The following AKAP9 variants were observed in gnomAD, a reference collection of about 807,000 sequenced individuals.
The protein encoded by AKAP9 is A-kinase anchor protein 9.
Under a neutral mutation model 488.5 loss-of-function variants are expected in AKAP9, and 311 were observed. The observed-to-expected ratio is 0.64, with a 90% CI of 0.58 to 0.70. The LOEUF is 0.70. AKAP9 is among the 30% of genes least tolerant of loss of function. The pLI, the probability that AKAP9 is intolerant of heterozygous loss-of-function variation, is 0.00. For missense variants in AKAP9, 4,215 were observed against 4,374.5 expected (o/e 0.96, Z 1.03); for synonymous variants, 1,462 against 1,483.5 (o/e 0.99, Z 0.33).
rs1165990371 is a variant in AKAP9 at position 92,100,969 on chromosome 7, G to A, written c.11010G>A (p.Glu3670=). The change falls in exon 45 of 50, where the codon GAG becomes GAA. Residue 3670 remains glutamate, a synonymous_variant. Transcript: ENST00000356239. Reference sequence around the variant, plus strand: ...TCCAGAAATCTTTGAAAAGGGCAGAGGCTGAAGTATACAAACTGAAAGCTG... The same window carrying A: ...TCCAGAAATCTTTGAAAAGGGCAGAAGCTGAAGTATACAAACTGAAAGCTG... ...LTLQKSLKRA[E]AEVYKLKAEL... is the part of the protein sequence containing the mutation. 1 of 1,614,118 alleles carries A rather than the reference G, an allele frequency of 6.2e-7. No homozygotes were observed. The highest frequency in any genetic ancestry group is 1.7e-5 in the Admixed American group (1 of 60,032).
chr7:92,109,419 C>G (rs982042160), intron 49 of AKAP9, among the ~76,000 whole-genome samples: 1 of 152,082 alleles, frequency 6.6e-6, no homozygotes, highest in African/African-American at 2.4e-5. Flanking sequence ...CTTTTATTAT[C>G]ATAGCTGAGT....
chr7:92,033,160 A>G (rs1294959355), intron 16 of AKAP9, among the ~76,000 whole-genome samples: 2 of 152,190 alleles, frequency 1.3e-5, no homozygotes, highest in Admixed American at 6.5e-5. Flanking sequence ...AGCATTACTC[A>G]CTCAAGCTGA....
chr7:92,048,031 T>TA (rs1807301189), intron 21 of AKAP9, among the ~76,000 whole-genome samples: 1 of 152,160 alleles, frequency 6.6e-6, no homozygotes. Flanking sequence ...TTAAAATTTT[T>TA]AATTTTTATA....
chr7:92,069,659 A>G (rs1044931198), intron 26 of AKAP9, among the ~76,000 whole-genome samples: 2 of 152,182 alleles, frequency 1.3e-5, no homozygotes, highest in African/African-American at 4.8e-5. Context: ...TCAGCATCCT[A>G]ATTTGAAATG....
chr7:92,002,837 A>C lies in AKAP9; in HGVS notation c.2920A>C (p.Ser974Arg). 1 of 1,613,518 alleles carries C rather than the reference A, an allele frequency of 6.2e-7. No individual in the cohort carries two copies. Among genetic ancestry groups the C allele is most frequent in the Non-Finnish European group, 8.5e-7 (1 of 1,179,674 alleles). ...ATTGAAACAGAAACATGGTGAGATT[A>C]GTTTTCTAAATGAAGAAGTTAAATC... ...EQLKQKHGEISFLNEEVKSLK... is the reference protein window; with the variant it reads ...EQLKQKHGEIRFLNEEVKSLK... The change falls in exon 8 of 50, where the codon AGT becomes CGT. Residue 974 changes from serine (S) to arginine (R), a missense_variant. Ser to Arg is a moderately radical substitution (Grantham distance 110, BLOSUM62 -1). Coordinates refer to ENST00000356239, the MANE Select transcript of AKAP9 (RefSeq NM_005751.5).
intron 11 of AKAP9, 116 bp downstream of exon 11, chr7:92,016,383 C>A: frequency 1.4e-6 from 1 of 716,064 alleles, no homozygotes; most frequent in Non-Finnish European, 2.2e-6. Flanking sequence ...TTCATCTTAA[C>A]ATTTTATCCT....
intron 1 of AKAP9, among the ~76,000 whole-genome samples, chr7:91,971,225 A>C (rs188121319): frequency 9.9e-5 from 15 of 151,978 alleles, no homozygotes; most frequent in Admixed American, 8.5e-4. Context: ...CTTTGAGCTC[A>C]CTGATTCTTT....
In AKAP9 at chr7:92,059,190, C is replaced by CA. The variant is rs1420751230; in HGVS notation, c.5602-2069dup. 3.3e-5 allele frequency among the ~76,000 whole-genome samples: 5 copies of CA among 151,984 alleles called. No individual in the cohort carries two copies. In the South Asian group the frequency reaches 6.2e-4, roughly 19 times the overall value. The stretch of plus-strand genomic sequence containing the variant: ...TGACAGAATATTAACTGATACTTTA[C>CA]ATGTACTTTTAATGTAATAAGTTTC... On this transcript the variant is annotated intron_variant, in intron 22 of 49. Transcript: ENST00000356239.
At chr7:91,993,961 T>C (rs956770031) in intron 5 of AKAP9, among the ~76,000 whole-genome samples, 14 of 152,134 alleles carry the variant, frequency 9.2e-5, no homozygotes, top group Non-Finnish European at 2.9e-5. Context: ...AGACCCCGCT[T>C]CTACAAAACA....
intron 1 of AKAP9, among the ~76,000 whole-genome samples, chr7:91,969,792 G>T (rs375701965): frequency 3.9e-5 from 6 of 152,108 alleles, no homozygotes; most frequent in Non-Finnish European, 8.8e-5. Flanking sequence ...CAGTCTGTGC[G>T]CATTCTTAAT....
At position 92,093,219 on chromosome 7, in the gene AKAP9, G is replaced by A. The variant is rs139479927; in HGVS notation, c.9481G>A (p.Val3161Ile). Residue 3161 changes from valine to isoleucine, a missense_variant, in exon 39 of 50, where the codon GTT (valine) becomes ATT (isoleucine). By Grantham distance (29) the Val-to-Ile change is conservative. This residue lies in a region of AKAP9 where 1,476 missense variants were observed against 1,477.4 expected (regional missense o/e 1.00). Coordinates refer to ENST00000356239, the MANE Select transcript of AKAP9 (RefSeq NM_005751.5). ...QEQLSSEKMV[V>I]AELKSELAQT... ...GCAGCTGAGTTCTGAGAAAATGGTG[G>A]TTGCTGAACTGAAGAGTGAGCTTGC... 2 of 1,614,036 alleles carry A rather than the reference G, an allele frequency of 1.2e-6. No homozygotes were observed. Among genetic ancestry groups the A allele is most frequent in the Admixed American group, 1.7e-5 (1 of 59,998 alleles).
At chr7:91,982,204 TATG>T (rs1796519560) in intron 3 of AKAP9, among the ~76,000 whole-genome samples, 1 of 151,060 alleles carries the variant, frequency 6.6e-6, no homozygotes, top group Middle Eastern at 3.4e-3. Context: ...TGTATGTATG[TATG>T]ATACTTTAAG....
At chr7:91,987,599 GT>G (rs1797264463) in intron 3 of AKAP9, among the ~76,000 whole-genome samples, 2 of 152,102 alleles carry the variant, frequency 1.3e-5, no homozygotes, top group Non-Finnish European at 2.9e-5. Context: ...TTGATATTTG[GT>G]GAAATGTTTG....
At chr7:91,971,671 C>T (rs1795093699) in intron 1 of AKAP9, among the ~76,000 whole-genome samples, 1 of 150,770 alleles carries the variant, frequency 6.6e-6, no homozygotes, top group African/African-American at 2.4e-5. Context: ...GGGTTCACGC[C>T]ATTCTCCTGC....
At chr7:92,034,495 T>G (rs1444451792) in intron 16 of AKAP9, among the ~76,000 whole-genome samples, 14 of 90,260 alleles carry the variant, frequency 1.6e-4, no homozygotes, top group African/African-American at 3.8e-4. Context: ...TATATATATA[T>G]ATATTTTTTT....
chr7:92,026,329 TCC>T (rs1478529735), intron 14 of AKAP9, among the ~76,000 whole-genome samples: 1 of 152,116 alleles, frequency 6.6e-6, no homozygotes, highest in Non-Finnish European at 1.5e-5. Context: ...CCTCTCCCTC[TCC>T]CTCTCTTCTC....
At chr7:91,992,808 T>C (rs952258051) in intron 4 of AKAP9, 77 bp from the exon 5 acceptor site, 2 of 1,392,978 alleles carry the variant, frequency 1.4e-6, no homozygotes. Context: ...GACCTTGCTA[T>C]GGATTTCAGT....
intron 22 of AKAP9, among the ~76,000 whole-genome samples, chr7:92,054,965 C>G (rs539578146): frequency 6.6e-6 from 1 of 152,062 alleles, no homozygotes; most frequent in Admixed American, 6.6e-5. Flanking sequence ...TTCACAGATT[C>G]TAAACTCCTG....
rs1057521238 is a variant in AKAP9, at chr7:92,052,862, A to G, written c.5505A>G (p.Ile1835Met). ...GGAGTGGTTTTGCTGGAACTGAAAT[A>G]GACCCTGAAAATGAAGAACTTATGC... ...LVRSGFAGTE[I>M]DPENEELMLN... The change falls in exon 22 of 50, where the codon ATA (isoleucine) becomes ATG (methionine). Residue 1835 changes from isoleucine (I) to methionine (M), a missense_variant. Ile to Met is a conservative substitution (Grantham distance 10). Around this residue, in one of 5 missense-constraint regions of AKAP9, gnomAD observed 2,361 missense variants for 2,430.0 expected, o/e 0.97. Coordinates refer to ENST00000356239, the MANE Select transcript of AKAP9 (RefSeq NM_005751.5). The G allele has an allele frequency of 1.4e-5, 22 of 1,613,796 alleles. No homozygotes were observed. The highest frequency in any genetic ancestry group is 1.9e-5 in the Non-Finnish European group (22 of 1,179,884).
Sources: allele counts gnomAD v4.1 joint callset (sites outside exome capture counted in the v4.1 genomes callset), GRCh38; gene constraint gnomAD v4.1.1; regional missense constraint gnomAD v4.1.1; transcripts MANE v1.5; gene names NCBI Gene and HGNC (gene_info 2026-07-23, HGNC 2026-07-21).